MASP2: variants seen among roughly 807,000 people sequenced by gnomAD.
The protein encoded by MASP2 is mannan-binding lectin serine protease 2.
A neutral mutation model predicts 57.1 loss-of-function variants in MASP2; 49 were observed. The ratio of observed to expected loss-of-function variants is 0.86; its 90% CI spans 0.68 to 1.09. The LOEUF (loss-of-function observed/expected upper bound fraction) is 1.09, where lower values mean the gene tolerates loss of function less well. MASP2 is among the 50% of genes least tolerant of loss of function. The pLI is 0.00. For missense variants in MASP2, 900 were observed against 874.8 expected (o/e 1.03, Z -0.36); for synonymous variants, 379 against 340.8 (o/e 1.11, Z -1.24).
chr1:11,046,577 C>T lies in MASP2; in HGVS notation c.391G>A (p.Glu131Lys), dbSNP rs1314467854. The T allele has an allele frequency of 6.2e-6, 10 of 1,613,936 alleles. No homozygotes were observed. The highest frequency in any genetic ancestry group is 1.1e-5 in the South Asian group (1 of 91,074). The change falls in exon 3 of 11, where the codon GAG (glutamate) becomes AAG (lysine). Residue 131 changes from glutamate (E) to lysine (K), a missense_variant. By Grantham distance (56) the Glu-to-Lys change is moderately conservative. Transcript: ENST00000400897. ...YSNEKPFTGF[E>K]AFYAAEDIDE... Reference sequence around the variant, plus strand: ...TCACCCTCGGCTGCATAGAAGGCCTCGAACCCCGTGAACGGCTTCTCGTTG... The same window carrying T: ...TCACCCTCGGCTGCATAGAAGGCCTTGAACCCCGTGAACGGCTTCTCGTTG...
chr1:11,034,522 A>C (rs1643874257), intron 8 of MASP2, among the ~76,000 whole-genome samples: 3 of 151,792 alleles, frequency 2.0e-5, no homozygotes, highest in African/African-American at 7.3e-5. Flanking sequence ...ACATGGCAAA[A>C]CTCTGTCTCT....
At chr1:11,044,912 G>C in intron 4 of MASP2, 2 of 1,601,588 alleles carry the variant, frequency 1.2e-6, no homozygotes, top group Non-Finnish European at 1.7e-6. Context: ...CTTCTGACCT[G>C]CTGGGCAGGC....
chr1:11,033,926 GACACACACAC>G (rs762078074), intron 8 of MASP2, among the ~76,000 whole-genome samples: 45 of 140,126 alleles, frequency 3.2e-4, no homozygotes, highest in Admixed American at 5.1e-4. Flanking sequence ...GTGAGACTCC[GACACACACAC>G]ACACACACAC....
chr1:11,029,934 ATTTTTTATGC>A, intron 10 of MASP2: 1 of 352,512 alleles, frequency 2.8e-6, no homozygotes, highest in South Asian at 5.6e-5. Flanking sequence ...AAATCATTTA[ATTTTTTATGC>A]TTGCCTAGTT....
intron 10 of MASP2, among the ~76,000 whole-genome samples, chr1:11,028,706 CTTTTTTTTTTT>C (rs1184236433): frequency 8.3e-5 from 1 of 12,066 alleles, no homozygotes; most frequent in East Asian, 1.3e-3. Context: ...GGTTTTTTTT[CTTTTTTTTTTT>C]TTTTTTTTTT....
chr1:11,046,849 C>G (rs780554192), intron 2 of MASP2, 42 bp downstream of exon 2: 83 of 1,551,050 alleles, frequency 5.4e-5, no homozygotes, highest in Non-Finnish European at 6.9e-5. Flanking sequence ...CTTGGGGACC[C>G]CCCGACCCTG....
In MASP2 at chr1:11,046,945, G is replaced by A. The variant is rs1285870114; in HGVS notation, c.180C>T (p.Tyr60=). ...TAPPGYRLRL[Y]FTHFDLELSH... ...AGAGCTCCAGGTCGAAGTGGGTGAAGTAGAGGCGCAGGCGGTAGCCGGGGG... is the reference window on the plus strand; with the variant it reads ...AGAGCTCCAGGTCGAAGTGGGTGAAATAGAGGCGCAGGCGGTAGCCGGGGG... The change falls in exon 2 of 11, where the codon TAC becomes TAT. Residue 60 remains tyrosine (Y), a synonymous_variant. Transcript: ENST00000400897. The A allele has an allele frequency of 6.4e-7, 1 of 1,571,174 alleles. No individual in the cohort carries two copies. The highest frequency in any genetic ancestry group is 8.6e-7 in the Non-Finnish European group (1 of 1,157,884).
Position 11,027,113 on chromosome 1 carries a change from A to G in MASP2, c.1833T>C (p.Ser611=). 1 of 1,610,300 alleles carries G rather than the reference A, an allele frequency of 6.2e-7. No homozygotes were observed. Among genetic ancestry groups the G allele is most frequent in the Non-Finnish European group, 8.5e-7 (1 of 1,177,980 alleles). The change falls in exon 11 of 11, where the codon AGT becomes AGC. Residue 611 remains serine (S), a synonymous_variant. Coordinates refer to ENST00000400897, the MANE Select transcript of MASP2 (RefSeq NM_006610.4). ...CAGCACAAAGCATGTTAGCAGTTAC[A>G]CTTCCCCTTGGATAGGGTGGCTTTT... ...AYEKPPYPRG[S]VTANMLCAGL...
At chr1:11,043,660 C>CTGGGT in intron 4 of MASP2, 125 bp from the exon 5 acceptor site, 1 of 653,308 alleles carries the variant, frequency 1.5e-6, no homozygotes, top group Non-Finnish European at 2.6e-6. Flanking sequence ...ATCTGCATCC[C>CTGGGT]TGGGTTGGGC....
chr1:11,045,132 C>G lies in MASP2; in HGVS notation c.544+276G>C. The G allele has an allele frequency of 4.0e-6, 3 of 745,892 alleles. No homozygotes were observed. The South Asian group carries it at 4.8e-5, about 12-fold the overall frequency. 46.2% of individuals were successfully genotyped at this position (745,892 alleles called of 1,614,324 possible). ...CGAGGGCTAGATACCCCCGACTCTC[C>G]CGTGGCTACATGAGGGGTTCCCAGA... is the stretch of plus-strand genomic sequence containing the variant. On this transcript the variant is annotated intron_variant, in intron 4 of 10. Transcript: ENST00000400897.
At position 11,030,888 on chromosome 1, in the gene MASP2, A is replaced by G. The variant is rs1643833065; in HGVS notation, c.1088-6T>C. On this transcript the variant is annotated splice_polypyrimidine_tract_variant and splice_region_variant and intron_variant, in intron 8 of 10. Coordinates refer to ENST00000400897, the MANE Select transcript of MASP2 (RefSeq NM_006610.4). ...AGGAGGGCCACAGTCAACAACTAAG[A>G]AAGAAGCATGGGAGGGAGGAATCCA... 1.9e-6 allele frequency: 3 copies of G among 1,611,390 alleles called. No individual in the cohort carries two copies. Among genetic ancestry groups the G allele is most frequent in the Non-Finnish European group, 2.5e-6 (3 of 1,179,008 alleles).
rs1638664918 is a variant in MASP2 at position 11,047,015 on chromosome 1, C to G, written c.110G>C (p.Gly37Ala). ...CCGCTCCTGGTCATTGGCATACTCC[C>G]CTGGAAAGCCGGGGGATGCCAGGCG... ...FGRLASPGFP[G>A]EYANDQERRW... Residue 37 changes from glycine to alanine, a missense_variant, in exon 2 of 11, where the codon GGG (glycine) becomes GCG (alanine). Coordinates refer to ENST00000400897, the MANE Select transcript of MASP2 (RefSeq NM_006610.4). The G allele has an allele frequency of 6.4e-7, 1 of 1,552,544 alleles. No individual in the cohort carries two copies. The highest frequency in any genetic ancestry group is 1.4e-5 in the African/African-American group (1 of 73,280).
In MASP2 at chr1:11,043,543, G is replaced by T; in HGVS notation, c.545-8C>A. ...CCTGGCCGGAGCACAGGGCTGGAAG[G>T]AGGGAAGGCAGGGGAGTGACTTGGC... On this transcript the variant is annotated splice_polypyrimidine_tract_variant and splice_region_variant and intron_variant, in intron 4 of 10. Coordinates refer to ENST00000400897, the MANE Select transcript of MASP2 (RefSeq NM_006610.4). 6.3e-7 allele frequency: 1 copy of T among 1,589,132 alleles called. No individual in the cohort carries two copies. The highest frequency in any genetic ancestry group is 8.6e-7 in the Non-Finnish European group (1 of 1,168,490).
At position 11,029,875 on chromosome 1, in the gene MASP2, C is replaced by T. The variant is rs143645471; in HGVS notation, c.1297+301G>A. The T allele has an allele frequency of 3.0e-3, 579 of 193,092 alleles. 4 individuals carry two copies. The highest frequency in any genetic ancestry group is 0.016 in the Middle Eastern group (8 of 496). 12.0% of individuals were successfully genotyped at this position (193,092 alleles called of 1,614,324 possible). ...CTGGCCTCAGGTGACCCACCTGCCTCGGCCTCCCAAAGTGCTGGGATTACA... is the reference window on the plus strand; with the variant it reads ...CTGGCCTCAGGTGACCCACCTGCCTTGGCCTCCCAAAGTGCTGGGATTACA... On this transcript the variant is annotated intron_variant, in intron 10 of 10. Coordinates refer to ENST00000400897, the MANE Select transcript of MASP2 (RefSeq NM_006610.4).
Position 11,040,694 on chromosome 1 carries a change from G to A in MASP2, c.889+2181C>T, listed in dbSNP as rs1404341262. 2.6e-5 allele frequency among the ~76,000 whole-genome samples: 4 copies of A among 151,624 alleles called. No homozygotes were observed. The East Asian group carries it at 7.7e-4, about 29-fold the overall frequency. On this transcript the variant is annotated intron_variant, in intron 6 of 10. Coordinates refer to ENST00000400897, the MANE Select transcript of MASP2 (RefSeq NM_006610.4). ...GGGTGGGTGGATAGATGGACAGCTGGAAAGATGGATGGATGGATGGATGGA... is the reference window on the plus strand; with the variant it reads ...GGGTGGGTGGATAGATGGACAGCTGAAAAGATGGATGGATGGATGGATGGA...
rs12031620 is a variant in MASP2 at position 11,028,247 on chromosome 1, A to C, written c.1298-599T>G. On this transcript the variant is annotated intron_variant, in intron 10 of 10. Transcript: ENST00000400897. ...AAAAAAGGAGATTAGGAAAATTAACAGGGCAAGCAGGCATTGTCTGAGCAG... is the reference window on the plus strand; with the variant it reads ...AAAAAAGGAGATTAGGAAAATTAACCGGGCAAGCAGGCATTGTCTGAGCAG... Among the ~76,000 whole-genome samples the C allele has an allele frequency of 1.8e-3, 267 of 152,246 alleles. 6 individuals are homozygous for C. In the East Asian group the frequency reaches 0.039, roughly 22 times the overall value.
At chr1:11,036,461 G>A (rs1638232520) in intron 7 of MASP2, among the ~76,000 whole-genome samples, 1 of 128,196 alleles carries the variant, frequency 7.8e-6, no homozygotes, top group Non-Finnish European at 1.6e-5. Flanking sequence ...CCGAGATTGC[G>A]CCACTGCAGT....
At chr1:11,044,803 T>TGGGGC in intron 4 of MASP2, 1 of 1,304,864 alleles carries the variant, frequency 7.7e-7, no homozygotes, top group Non-Finnish European at 1.0e-6. Flanking sequence ...GCAGGTGGGG[T>TGGGGC]GGGGCCAGGT....
At chr1:11,032,407 T>C (rs1171299674) in intron 8 of MASP2, among the ~76,000 whole-genome samples, 4 of 150,556 alleles carry the variant, frequency 2.7e-5, no homozygotes, top group Non-Finnish European at 5.9e-5. Context: ...AGATTAGGAG[T>C]TGGAGACAAG....
Sources: gnomAD v4.1 joint callset for allele counts (sites outside exome capture counted in the v4.1 genomes callset) on GRCh38, gnomAD v4.1.1 for gene constraint, MANE v1.5 for transcripts, NCBI Gene and HGNC (gene_info 2026-07-23, HGNC 2026-07-21) for gene names.